The following RRBP1 variants were observed in gnomAD, a reference collection of about 807,000 sequenced individuals.
The protein encoded by RRBP1 is ribosome-binding protein 1.
RRBP1 carries 94 observed loss-of-function variants against 165.2 expected under a neutral mutation model. The ratio of observed to expected loss-of-function variants is 0.57; its 90% CI spans 0.48 to 0.68. The LOEUF (loss-of-function observed/expected upper bound fraction) is 0.68. RRBP1 is among the 30% of genes least tolerant of loss of function. The probability of loss-of-function intolerance (pLI) is 0.00; values close to 1 mark genes in which losing one functional copy is unlikely to be tolerated. For synonymous variants in RRBP1, 680 were observed against 714.5 expected, an observed-to-expected ratio of 0.95 and a Z score of 0.77; for missense variants, 1,676 against 1,763.0, an observed-to-expected ratio of 0.95 and a Z score of 0.88.
chr20:17,633,665 G>C (rs775060700), intron 7 of RRBP1, 52 bp from the exon 8 acceptor site: 1 of 1,587,812 alleles, frequency 6.3e-7, no homozygotes, highest in Non-Finnish European at 8.6e-7. Flanking sequence ...TGATGGGATC[G>C]GTGGTCCAAG....
At chr20:17,630,315 C>T (rs1472650962) in intron 8 of RRBP1, among the ~76,000 whole-genome samples, 1 of 152,184 alleles carries the variant, frequency 6.6e-6, no homozygotes, top group Non-Finnish European at 1.5e-5. Context: ...TCCTCGATTC[C>T]TCTCCCAGGG....
At position 17,619,678 on chromosome 20, in the gene RRBP1, C is replaced by G; in HGVS notation, c.3630G>C (p.Ala1210=). The G allele has an allele frequency of 1.9e-6, 3 of 1,612,960 alleles. No individual in the cohort carries two copies. The highest frequency in any genetic ancestry group is 2.5e-6 in the Non-Finnish European group (3 of 1,179,848). ...HLEAELEKHM[A]AASAECQNYA... ...AGTTCTGGCACTCGGCGCTGGCGGC[C>G]GCCATGTGCTTTTCCAGCTCTGCCT... Residue 1210 remains alanine, a synonymous_variant, in exon 19 of 25, where the codon GCG becomes GCC. Coordinates refer to ENST00000377813, the MANE Select transcript of RRBP1 (RefSeq NM_001365613.2).
chr20:17,617,354 C>T (rs1568750767), intron 20 of RRBP1, among the ~76,000 whole-genome samples: 2 of 152,254 alleles, frequency 1.3e-5, no homozygotes, highest in Admixed American at 6.5e-5. Context: ...ATTTGAAGGG[C>T]AGGTGTCACT....
At chr20:17,636,282 G>A (rs2036247125) in intron 6 of RRBP1, among the ~76,000 whole-genome samples, 1 of 152,268 alleles carries the variant, frequency 6.6e-6, no homozygotes, top group Admixed American at 6.5e-5. Flanking sequence ...AGACACCCAG[G>A]AGGCAGGGAA....
chr20:17,649,095 T>TA (rs1157767436), intron 3 of RRBP1, among the ~76,000 whole-genome samples: 2 of 151,806 alleles, frequency 1.3e-5, no homozygotes, highest in Non-Finnish European at 2.9e-5. Context: ...TGTTCTTCTT[T>TA]AAAAAAAGAA....
intron 12 of RRBP1, 70 bp downstream of exon 12, chr20:17,625,442 G>C (rs1415169209): frequency 3.3e-5 from 46 of 1,387,668 alleles, no homozygotes; most frequent in Non-Finnish European, 4.7e-5. Context: ...GTGCCACATA[G>C]CAGAACCTTT....
At chr20:17,642,038 A>G (rs2036372845) in intron 4 of RRBP1, 119 bp from the exon 5 acceptor site, 4 of 1,127,976 alleles carry the variant, frequency 3.5e-6, no homozygotes, top group Non-Finnish European at 3.8e-6. Flanking sequence ...CTTCGAGTCA[A>G]GGGTTCCACT....
chr20:17,674,559 C>G (rs891640017), intron 2 of RRBP1, among the ~76,000 whole-genome samples: 5 of 151,850 alleles, frequency 3.3e-5, no homozygotes, highest in African/African-American at 9.7e-5. Flanking sequence ...GTCAGGAGAT[C>G]GAGACCATCC....
At chr20:17,679,154 C>T (rs764841335) in intron 2 of RRBP1, among the ~76,000 whole-genome samples, 1 of 152,216 alleles carries the variant, frequency 6.6e-6, no homozygotes, top group Non-Finnish European at 1.5e-5. Flanking sequence ...TGGGTGACAA[C>T]CATTCCCACC....
intron 3 of RRBP1, among the ~76,000 whole-genome samples, chr20:17,653,049 C>A (rs1600762955): frequency 6.6e-6 from 1 of 152,206 alleles, no homozygotes; most frequent in African/African-American, 2.4e-5. Flanking sequence ...TGGGAAATCA[C>A]TGCAAGTGAT....
chr20:17,678,944 C>A (rs2122522693), intron 2 of RRBP1, among the ~76,000 whole-genome samples: 1 of 152,292 alleles, frequency 6.6e-6, no homozygotes, highest in Admixed American at 6.5e-5. Context: ...TGCCTCCCCA[C>A]CTTCCTGCCA....
chr20:17,617,654 C>T (rs1486174185), intron 20 of RRBP1, among the ~76,000 whole-genome samples: 2 of 152,240 alleles, frequency 1.3e-5, no homozygotes, highest in African/African-American at 4.8e-5. Flanking sequence ...CAGTGAGTGG[C>T]CCCTAGACAC....
chr20:17,629,087 A>G (rs974739805), intron 9 of RRBP1, among the ~76,000 whole-genome samples: 3 of 152,252 alleles, frequency 2.0e-5, no homozygotes, highest in African/African-American at 7.2e-5. Flanking sequence ...CATCCCTCAC[A>G]GAAACAGTTG....
chr20:17,614,336 A>G, intron 24 of RRBP1, 116 bp from the exon 25 acceptor site: 1 of 949,872 alleles, frequency 1.1e-6, no homozygotes, highest in Non-Finnish European at 1.6e-6. Flanking sequence ...AAGCCACTCC[A>G]GTCCCTCAGA....
Position 17,633,441 on chromosome 20 carries a change from G to A in RRBP1, c.2610+19C>T, listed in dbSNP as rs772675213. On this transcript the variant is annotated intron_variant, in intron 8 of 24. Transcript: ENST00000377813. The stretch of plus-strand genomic sequence containing the variant: ...TGGGCAGTGAACAGGGCACTGAGGC[G>A]GCCACTGCCCCGACTCACCTGCAGC... 10 of 1,609,134 alleles carry A rather than the reference G, an allele frequency of 6.2e-6. No homozygotes were observed. Among genetic ancestry groups the A allele is most frequent in the Middle Eastern group, 1.7e-4 (1 of 5,956 alleles).
rs2036738900 is a variant in RRBP1, at chr20:17,660,294, TCTTTC to T, written c.209_213del (p.Gly70AspfsTer9). On this transcript the variant is annotated frameshift_variant, in exon 3 of 25. Coordinates refer to ENST00000377813, the MANE Select transcript of RRBP1 (RefSeq NM_001365613.2). LOFTEE classifies it high-confidence loss of function. ...TTAGGTTTCTCTTCCTTTTTCTTGGTCTTTCCTTTCTTCTCCACTGTTTTCTCCTT... is the reference window on the plus strand; with the variant it reads ...TTAGGTTTCTCTTCCTTTTTCTTGGTCTTTCTTCTCCACTGTTTTCTCCTT... The T allele has an allele frequency of 3.7e-6, 6 of 1,606,738 alleles. No homozygotes were observed. The highest frequency in any genetic ancestry group is 5.1e-6 in the Non-Finnish European group (6 of 1,175,758).
intron 3 of RRBP1, among the ~76,000 whole-genome samples, chr20:17,647,380 C>T (rs2036482978): frequency 6.6e-6 from 1 of 152,230 alleles, no homozygotes; most frequent in African/African-American, 2.4e-5. Flanking sequence ...GGGCTTTGGG[C>T]CCTAGCGTGT....
In RRBP1 at chr20:17,629,858, G is replaced by A. The variant is rs747094193; in HGVS notation, c.2714C>T (p.Ala905Val). The A allele has an allele frequency of 3.8e-6, 6 of 1,599,684 alleles. No individual in the cohort carries two copies. In the East Asian group the frequency reaches 1.3e-4, roughly 36 times the overall value. Residue 905 changes from alanine to valine, a missense_variant, in exon 9 of 25, where the codon GCC (alanine) becomes GTC (valine). Physicochemically the swap from Ala to Val is moderately conservative, Grantham distance 64. Coordinates refer to ENST00000377813, the MANE Select transcript of RRBP1 (RefSeq NM_001365613.2). ...CTGCTGTTGCTCCTGGGCCTTCTCG[G>A]CATCCGCCCGGAGGCTGGCGTGGCT... ...QSSHASLRAD[A>V]EKAQEQQQQM... is the part of the protein sequence containing the mutation.
At chr20:17,669,839 C>T (rs2036942996) in intron 2 of RRBP1, among the ~76,000 whole-genome samples, 2 of 152,068 alleles carry the variant, frequency 1.3e-5, no homozygotes, top group South Asian at 4.1e-4. Flanking sequence ...ACACATCTGT[C>T]GATTAAAAAG....
Sources: allele counts gnomAD v4.1 joint callset (sites outside exome capture counted in the v4.1 genomes callset), GRCh38; gene constraint gnomAD v4.1.1; transcripts MANE v1.5; gene names NCBI Gene and HGNC (gene_info 2026-07-23, HGNC 2026-07-21).